The following NBAS variants were observed in gnomAD, a reference collection of about 807,000 sequenced individuals.
The protein encoded by NBAS is NBAS subunit of NRZ tethering complex, also known as NAG/BC035112 fusion.
A neutral mutation model predicts 302.5 loss-of-function variants in NBAS; 219 were observed. The ratio of observed to expected loss-of-function variants is 0.72; its 90% CI spans 0.65 to 0.81. The LOEUF (loss-of-function observed/expected upper bound fraction) is 0.81, where lower values mean the gene tolerates loss of function less well. Among genes scored for constraint, NBAS ranks in the 30% least tolerant of loss-of-function variants. The probability of loss-of-function intolerance (pLI) is 0.00; values close to 1 mark genes in which losing one functional copy is unlikely to be tolerated. For synonymous variants in NBAS, 1,118 were observed against 1,021.6 expected (o/e 1.09, Z -1.80); for missense variants, 2,932 against 2,841.6 (o/e 1.03, Z -0.72).
intron 35 of NBAS, among the ~76,000 whole-genome samples, chr2:15,343,759 G>C (rs886216588): frequency 7.3e-5 from 11 of 151,470 alleles, no homozygotes; most frequent in African/African-American, 2.7e-4. Flanking sequence ...AAAACTTTCA[G>C]AAAAAAAGCA....
chr2:15,364,146 T>C (rs1056342318), intron 32 of NBAS, among the ~76,000 whole-genome samples: 1 of 152,174 alleles, frequency 6.6e-6, no homozygotes, highest in Non-Finnish European at 1.5e-5. Flanking sequence ...TCTGTAAATA[T>C]TCCCCTTGAA....
chr2:14,985,298 T>C, the NBAS span, among the ~76,000 whole-genome samples: 1 of 152,226 alleles, frequency 6.6e-6, no homozygotes. Context: ...CAGGAAACAC[T>C]GTCAGTCCTG....
downstream of NBAS, among the ~76,000 whole-genome samples, chr2:15,164,834 C>G (rs553612297): frequency 1.2e-4 from 18 of 152,290 alleles, no homozygotes; most frequent in African/African-American, 3.6e-4. Flanking sequence ...TCTCTTCCCC[C>G]CTCCCCGCCG....
the NBAS span, among the ~76,000 whole-genome samples, chr2:15,137,458 AG>A: frequency 6.6e-6 from 1 of 152,196 alleles, no homozygotes. Flanking sequence ...ATAATCAAAC[AG>A]AGCCACAAAA....
downstream of NBAS, among the ~76,000 whole-genome samples, chr2:15,164,366 T>TGG (rs1484540482): frequency 6.6e-6 from 1 of 152,256 alleles, no homozygotes; most frequent in Non-Finnish European, 1.5e-5. Context: ...GTTACATACC[T>TGG]GGGTTTGCAT....
At chr2:15,089,939 G>A in the NBAS span, among the ~76,000 whole-genome samples, 21 of 151,578 alleles carry the variant, frequency 1.4e-4, no homozygotes, top group East Asian at 9.7e-4. Context: ...TAGTAGAGAC[G>A]GGGTTTCACC....
the NBAS span, among the ~76,000 whole-genome samples, chr2:15,069,575 C>T: frequency 1.3e-5 from 2 of 149,950 alleles, no homozygotes; most frequent in Admixed American, 1.3e-4. Context: ...AAAAATGGAC[C>T]TGTAAAAGAG....
the NBAS span, among the ~76,000 whole-genome samples, chr2:15,103,013 A>AAGGAAGGAAGGG: frequency 1.4e-5 from 2 of 138,228 alleles, no homozygotes; most frequent in African/African-American, 5.3e-5. Context: ...GGAAGGAAGG[A>AAGGAAGGAAGGG]AGGAAGGAAG....
the NBAS span, among the ~76,000 whole-genome samples, chr2:15,146,934 C>T: frequency 1.3e-5 from 2 of 152,194 alleles, no homozygotes; most frequent in South Asian, 4.1e-4. Context: ...ATCCTGCTAA[C>T]CAGTAGTTGA....
the NBAS span, among the ~76,000 whole-genome samples, chr2:15,124,909 G>T: frequency 1.3e-5 from 2 of 152,288 alleles, no homozygotes; most frequent in Non-Finnish European, 2.9e-5. Context: ...CCCCCACAGG[G>T]ATACTCTACT....
the NBAS span, among the ~76,000 whole-genome samples, chr2:14,867,807 G>A: frequency 8.5e-5 from 13 of 152,132 alleles, no homozygotes; most frequent in East Asian, 1.9e-4. Context: ...TGTTTTAAAC[G>A]TGCTTACCCA....
At position 15,275,736 on chromosome 2, in the gene NBAS, C is replaced by G. The variant is rs1210321900; in HGVS notation, c.5472G>C (p.Leu1824Phe). The part of the protein sequence containing the change: ...LEPVLSSQNI[L>F]SISKLVPKIP... Reference sequence around the variant, plus strand: ...TTTTGGGAACAAGTTTGGAAATAGACAAGATATTTTGACTTGAAAGAACTG... The same window carrying G: ...TTTTGGGAACAAGTTTGGAAATAGAGAAGATATTTTGACTTGAAAGAACTG... The change falls in exon 44 of 52, where the codon TTG (leucine) becomes TTC (phenylalanine). Residue 1824 changes from leucine to phenylalanine, a missense_variant. By Grantham distance (22) the Leu-to-Phe change is conservative (BLOSUM62 0). Coordinates refer to ENST00000281513, the MANE Select transcript of NBAS (RefSeq NM_015909.4). 3 of 1,614,064 alleles carry G rather than the reference C, an allele frequency of 1.9e-6. No homozygotes were observed. Among genetic ancestry groups the G allele is most frequent in the Non-Finnish European group, 2.5e-6 (3 of 1,180,006 alleles).
At chr2:14,800,583 T>C in the NBAS span, among the ~76,000 whole-genome samples, 7 of 152,232 alleles carry the variant, frequency 4.6e-5, no homozygotes, top group Non-Finnish European at 1.0e-4. Flanking sequence ...TAGTGCTTGA[T>C]TTAAGGTACA....
intron 35 of NBAS, among the ~76,000 whole-genome samples, chr2:15,332,969 A>C (rs1447669455): frequency 6.6e-6 from 1 of 152,234 alleles, no homozygotes; most frequent in African/African-American, 2.4e-5. Context: ...TGGGGTGACA[A>C]AAAGGAGTAA....
At chr2:15,321,964 A>G (rs1671828891) in intron 38 of NBAS, among the ~76,000 whole-genome samples, 1 of 152,224 alleles carries the variant, frequency 6.6e-6, no homozygotes, top group South Asian at 2.1e-4. Flanking sequence ...GGCACTATTC[A>G]CAATAGCAAA....
At chr2:15,128,513 G>C in the NBAS span, among the ~76,000 whole-genome samples, 1 of 152,160 alleles carries the variant, frequency 6.6e-6, no homozygotes, top group South Asian at 2.1e-4. Flanking sequence ...CTGGAAATCT[G>C]AGAAGAGATG....
At chr2:15,219,055 C>A in intron 47 of NBAS, 87 bp from the exon 48 acceptor site, 1 of 1,503,382 alleles carries the variant, frequency 6.7e-7, no homozygotes, top group Admixed American at 2.0e-5. Context: ...ACTGACCTAA[C>A]ACTTGTTTGT....
rs548430265 is a variant in NBAS at position 15,198,864 on chromosome 2, C to T, written c.6433-8461G>A. 2.6e-5 allele frequency among the ~76,000 whole-genome samples: 4 copies of T among 152,220 alleles called. No individual in the cohort carries two copies. The South Asian group carries it at 6.2e-4, about 24-fold the overall frequency. ...AAAATTGGCCGGGCGCGGTGGCTCA[C>T]GCCTGTAATCCCAGCACTTTGGGAG... is the stretch of plus-strand genomic sequence containing the variant. On this transcript the variant is annotated intron_variant, in intron 48 of 51. Coordinates refer to ENST00000281513, the MANE Select transcript of NBAS (RefSeq NM_015909.4).
chr2:14,967,945 C>T, the NBAS span, among the ~76,000 whole-genome samples: 1 of 152,184 alleles, frequency 6.6e-6, no homozygotes, highest in Non-Finnish European at 1.5e-5. Flanking sequence ...CCTCCTTTGG[C>T]ACTGGCAAGA....
Sources: allele counts gnomAD v4.1 joint callset (sites outside exome capture counted in the v4.1 genomes callset), GRCh38; gene constraint gnomAD v4.1.1; transcripts MANE v1.5; gene names NCBI Gene and HGNC (gene_info 2026-07-23, HGNC 2026-07-21).